The following SPON1 variants were observed in gnomAD, a reference collection of about 807,000 sequenced individuals.
SPON1 encodes spondin-1.
SPON1 carries 52 observed loss-of-function variants against 111.7 expected under a neutral mutation model. The observed-to-expected ratio is 0.47, with a 90% CI of 0.37 to 0.59. The LOEUF (loss-of-function observed/expected upper bound fraction) is 0.59, where lower values mean the gene tolerates loss of function less well. Ranked by LOEUF, SPON1 falls within the 20% of genes least tolerant of loss-of-function variation. The pLI is 0.00. For missense variants in SPON1, 957 were observed against 1,068.5 expected, an observed-to-expected ratio of 0.90 and a Z score of 1.46; for synonymous variants, 410 against 395.8, an observed-to-expected ratio of 1.04 and a Z score of -0.43.
chr11:14,143,354 G>A (rs1847679348), intron 6 of SPON1, among the ~76,000 whole-genome samples: 1 of 152,132 alleles, frequency 6.6e-6, no homozygotes, highest in Non-Finnish European at 1.5e-5. Flanking sequence ...TTGAGCTCAG[G>A]AGTTCAAGAC....
chr11:14,254,774 G>T (rs782138225), intron 8 of SPON1, 45 bp downstream of exon 8: 3 of 1,576,234 alleles, frequency 1.9e-6, no homozygotes, highest in African/African-American at 2.7e-5. Flanking sequence ...TTGCCTACCC[G>T]CTTCCTGAGT....
Position 14,265,983 on chromosome 11 carries a change from G to A in SPON1, c.*296G>A, listed in dbSNP as rs1254136137. 2.2e-5 allele frequency: 6 copies of A among 271,488 alleles called. No homozygotes were observed. Among genetic ancestry groups the A allele is most frequent in the South Asian group, 5.6e-5 (1 of 17,928 alleles). The allele number at this position is 271,488 out of a possible 1,614,324, so 16.8% of individuals were successfully genotyped here. A position where few individuals can be genotyped will look rare whatever the true frequency, so the allele number is the denominator to read the frequency against. On this transcript the variant is annotated 3_prime_UTR_variant, in exon 16 of 16. Coordinates refer to ENST00000576479, the MANE Select transcript of SPON1 (RefSeq NM_006108.4). The stretch of plus-strand genomic sequence containing the variant: ...AGCTTCCACCTGGCCAGGGAGGACG[G>A]AGACTTTGACCTACTCCACATGGAG...
At chr11:14,161,647 C>A (rs1264614152) in intron 6 of SPON1, among the ~76,000 whole-genome samples, 2 of 151,840 alleles carry the variant, frequency 1.3e-5, no homozygotes, top group African/African-American at 4.8e-5. Flanking sequence ...CAAAGTTGGG[C>A]AAAATTATCA....
intron 6 of SPON1, among the ~76,000 whole-genome samples, chr11:14,141,947 G>C (rs992536029): frequency 6.6e-6 from 1 of 152,096 alleles, no homozygotes; most frequent in East Asian, 1.9e-4. Context: ...GATCTTCCAT[G>C]CTTATGAGAA....
intron 6 of SPON1, among the ~76,000 whole-genome samples, chr11:14,203,640 A>T (rs4756778): frequency 0.51 from 77,742 of 151,922 alleles, 19,990 homozygotes; most frequent in African/African-American, 0.54. Flanking sequence ...TGTGTGCTCC[A>T]GGCCAGCACA....
intron 1 of SPON1, among the ~76,000 whole-genome samples, chr11:13,978,879 G>A (rs1036878436): frequency 6.6e-6 from 1 of 152,208 alleles, no homozygotes; most frequent in Non-Finnish European, 1.5e-5. Flanking sequence ...ATGGGAGCAT[G>A]GTTAGTGAAG....
At chr11:14,184,922 G>A (rs188267263) in intron 6 of SPON1, among the ~76,000 whole-genome samples, 64 of 152,284 alleles carry the variant, frequency 4.2e-4, no homozygotes, top group Middle Eastern at 3.4e-3. Flanking sequence ...CTCAGATTCC[G>A]TGGAACCCAT....
intron 1 of SPON1, among the ~76,000 whole-genome samples, chr11:13,978,381 C>A (rs1554909226): frequency 1.3e-5 from 2 of 152,180 alleles, no homozygotes; most frequent in Non-Finnish European, 2.9e-5. Flanking sequence ...AGTCTAGGAA[C>A]ACTCAAGTAA....
At chr11:13,973,891 A>T (rs1203676797) in intron 1 of SPON1, among the ~76,000 whole-genome samples, 1 of 152,166 alleles carries the variant, frequency 6.6e-6, no homozygotes, top group African/African-American at 2.4e-5. Context: ...GACCCTTACA[A>T]ATTTAAGTAT....
At chr11:14,251,266 T>C (rs938507609) in intron 7 of SPON1, among the ~76,000 whole-genome samples, 19 of 152,332 alleles carry the variant, frequency 1.2e-4, no homozygotes, top group Admixed American at 4.6e-4. Context: ...ATTTACTCTA[T>C]CACCCAAGAT....
At chr11:13,966,398 C>A (rs1444625733) in intron 1 of SPON1, among the ~76,000 whole-genome samples, 1 of 152,138 alleles carries the variant, frequency 6.6e-6, no homozygotes, top group African/African-American at 2.4e-5. Flanking sequence ...TCAAGCCAAA[C>A]AGAAGAAAAT....
intron 2 of SPON1, among the ~76,000 whole-genome samples, chr11:13,992,628 C>G (rs1848240066): frequency 6.6e-6 from 1 of 152,180 alleles, no homozygotes; most frequent in Admixed American, 6.5e-5. Flanking sequence ...ACTCCTGCAG[C>G]TAGTTCAGTA....
chr11:14,063,592 A>G (rs1383586516), intron 3 of SPON1, among the ~76,000 whole-genome samples: 2 of 152,206 alleles, frequency 1.3e-5, no homozygotes, highest in Non-Finnish European at 2.9e-5. Context: ...ACTGTGGCTT[A>G]CGTCTGATGA....
chr11:14,224,505 G>T (rs1360570256), intron 6 of SPON1, among the ~76,000 whole-genome samples: 1 of 152,204 alleles, frequency 6.6e-6, no homozygotes, highest in African/African-American at 2.4e-5. Flanking sequence ...GAGGACCCTG[G>T]GTTCAGAGGC....
rs148715163 is a variant in SPON1 at position 14,258,816 on chromosome 11, G to T, written c.1493-464G>T. Among the ~76,000 whole-genome samples, 3 of 152,284 alleles carry T rather than the reference G, an allele frequency of 2.0e-5. No homozygotes were observed. In the South Asian group the frequency reaches 6.2e-4, roughly 32 times the overall value. On this transcript the variant is annotated intron_variant, in intron 11 of 15. Coordinates refer to ENST00000576479, the MANE Select transcript of SPON1 (RefSeq NM_006108.4). ...GACTAAGTCATTCCTACAAACAGGCGGGAGGAAAGCTGGGACTGGCCTGTC... is the reference window on the plus strand; with the variant it reads ...GACTAAGTCATTCCTACAAACAGGCTGGAGGAAAGCTGGGACTGGCCTGTC...
Position 14,259,716 on chromosome 11 carries a change from GGGTGGACTT to G in SPON1, c.1831+18_1831+26del. 6.4e-7 allele frequency: 1 copy of G among 1,564,420 alleles called. No individual in the cohort carries two copies. The highest frequency in any genetic ancestry group is 8.7e-7 in the Non-Finnish European group (1 of 1,154,552). On this transcript the variant is annotated intron_variant, in intron 13 of 15. Coordinates refer to ENST00000576479, the MANE Select transcript of SPON1 (RefSeq NM_006108.4). The surrounding 1 kb of genome is among the most constrained non-coding windows in gnomAD (Gnocchi z 5.0). ...GCCAGAGTGCCGTGAGTGAGAGCGG[GGGTGGACTT>G]GGAGGAGGCCACTGGGGACAGGCGT...
intron 9 of SPON1, 75 bp downstream of exon 9, chr11:14,255,862 C>G: frequency 6.7e-7 from 1 of 1,488,778 alleles, no homozygotes; most frequent in Non-Finnish European, 9.1e-7. Flanking sequence ...CCCTTCTGCT[C>G]TAGAATCATA....
intron 1 of SPON1, among the ~76,000 whole-genome samples, chr11:13,965,627 C>A (rs1848010248): frequency 6.6e-6 from 1 of 152,160 alleles, no homozygotes; most frequent in Non-Finnish European, 1.5e-5. Flanking sequence ...ATCTTTTCTC[C>A]CTTCTTATGG....
At chr11:14,113,014 G>A (rs1260543984) in intron 5 of SPON1, among the ~76,000 whole-genome samples, 1 of 152,136 alleles carries the variant, frequency 6.6e-6, no homozygotes, top group Non-Finnish European at 1.5e-5. Flanking sequence ...GCCTGGTCTG[G>A]TCTTGATTCT....
Sources: allele counts gnomAD v4.1 joint callset (sites outside exome capture counted in the v4.1 genomes callset), GRCh38; gene constraint gnomAD v4.1.1; non-coding constraint Gnocchi (gnomAD v3.1); transcripts MANE v1.5; gene names NCBI Gene and HGNC (gene_info 2026-07-23, HGNC 2026-07-21).